PHF14: variants seen among roughly 807,000 people sequenced by gnomAD.
PHF14 encodes PHD finger protein 14.
In PHF14, 55 loss-of-function variants were observed where a neutral mutation model predicts 117.9. The observed-to-expected ratio is 0.47, with a 90% CI of 0.38 to 0.58. The LOEUF (loss-of-function observed/expected upper bound fraction) is 0.58. Among genes scored for constraint, PHF14 ranks in the 20% least tolerant of loss-of-function variants. The pLI, the probability that PHF14 is intolerant of heterozygous loss-of-function variation, is 0.00. For missense variants in PHF14, 978 were observed against 1,122.2 expected, an observed-to-expected ratio of 0.87 and a Z score of 1.84; for synonymous variants, 409 against 368.6, an observed-to-expected ratio of 1.11 and a Z score of -1.26.
chr7:11,163,084 G>A (rs1026793701), intron 17 of PHF14, among the ~76,000 whole-genome samples: 4 of 152,084 alleles, frequency 2.6e-5, no homozygotes, highest in Non-Finnish European at 5.9e-5. Context: ...AAATGTTGCA[G>A]TATTAAATAA....
intron 14 of PHF14, among the ~76,000 whole-genome samples, chr7:11,052,816 C>T (rs1055919702): frequency 2.0e-5 from 3 of 152,024 alleles, no homozygotes; most frequent in Non-Finnish European, 4.4e-5. Flanking sequence ...TTACCTTTTT[C>T]TCATTGCAAA....
At chr7:11,011,305 T>A (rs1321604924) in intron 4 of PHF14, among the ~76,000 whole-genome samples, 1 of 152,236 alleles carries the variant, frequency 6.6e-6, no homozygotes, top group East Asian at 1.9e-4. Context: ...TGAATTTCTT[T>A]GATGGTTGTG....
chr7:11,030,093 C>T (rs1179637663), intron 7 of PHF14, among the ~76,000 whole-genome samples: 1 of 150,500 alleles, frequency 6.6e-6, no homozygotes, highest in African/African-American at 2.5e-5. Context: ...GTTCCAGTCT[C>T]TTGATTTTAA....
At chr7:11,047,393 C>A (rs1784705538) in intron 13 of PHF14, among the ~76,000 whole-genome samples, 1 of 151,934 alleles carries the variant, frequency 6.6e-6, no homozygotes, top group South Asian at 2.1e-4. Context: ...CTTGTCTAAG[C>A]ACTATTAAAC....
chr7:11,044,049 T>C (rs1784584093), intron 13 of PHF14, among the ~76,000 whole-genome samples: 1 of 152,036 alleles, frequency 6.6e-6, no homozygotes, highest in African/African-American at 2.4e-5. Flanking sequence ...AGGAGGCAGC[T>C]GGAGGCCATT....
chr7:10,977,969 G>T (rs1173229336), intron 2 of PHF14, among the ~76,000 whole-genome samples: 1 of 152,194 alleles, frequency 6.6e-6, no homozygotes, highest in Non-Finnish European at 1.5e-5. Context: ...TCTTTTTAAA[G>T]ATGCAGACAT....
intron 7 of PHF14, among the ~76,000 whole-genome samples, chr7:11,029,088 G>A (rs1362220602): frequency 6.6e-6 from 1 of 151,732 alleles, no homozygotes; most frequent in African/African-American, 2.4e-5. Flanking sequence ...TTAAAATGTC[G>A]GCATTTCAGC....
intron 7 of PHF14, among the ~76,000 whole-genome samples, chr7:11,030,652 G>C (rs1339015514): frequency 6.6e-6 from 1 of 152,100 alleles, no homozygotes; most frequent in Admixed American, 6.5e-5. Flanking sequence ...GAAATTTACA[G>C]GGAAACAGAT....
intron 4 of PHF14, chr7:11,006,873 G>A: frequency 1.7e-6 from 1 of 594,964 alleles, no homozygotes; most frequent in East Asian, 3.5e-5. Flanking sequence ...ACTGTCTTGT[G>A]AAAAGCATAG....
intron 17 of PHF14, among the ~76,000 whole-genome samples, chr7:11,162,207 G>C (rs375327516): frequency 7.0e-6 from 1 of 141,898 alleles, no homozygotes; most frequent in African/African-American, 2.5e-5. Context: ...TTGTGCCTCA[G>C]CCTCCCAAGT....
intron 4 of PHF14, among the ~76,000 whole-genome samples, chr7:11,001,121 A>C (rs947899320): frequency 3.9e-5 from 6 of 152,058 alleles, no homozygotes; most frequent in African/African-American, 1.4e-4. Flanking sequence ...GTGTGTGTTC[A>C]ATTTTTCTAT....
At chr7:11,087,593 T>C (rs555093070) in intron 16 of PHF14, among the ~76,000 whole-genome samples, 2 of 152,204 alleles carry the variant, frequency 1.3e-5, no homozygotes, top group Non-Finnish European at 2.9e-5. Context: ...GATTGACTTC[T>C]AAGGAATCTT....
intron 16 of PHF14, chr7:11,108,316 A>C (rs1361816831): frequency 1.3e-5 from 2 of 151,692 alleles, no homozygotes; most frequent in Non-Finnish European, 3.0e-5. Flanking sequence ...TTTATCACCA[A>C]AACTATTGAC....
intron 17 of PHF14, among the ~76,000 whole-genome samples, chr7:11,151,033 A>G (rs1788687744): frequency 6.6e-6 from 1 of 152,222 alleles, no homozygotes; most frequent in Non-Finnish European, 1.5e-5. Context: ...AGATATATCA[A>G]TGATTTTAAA....
At chr7:11,091,252 G>T (rs908406080) in intron 16 of PHF14, among the ~76,000 whole-genome samples, 3 of 152,204 alleles carry the variant, frequency 2.0e-5, no homozygotes, top group African/African-American at 7.2e-5. Context: ...AATGAAAAAT[G>T]GAAAGGCAAG....
At chr7:11,049,358 C>T (rs1784777374) in intron 13 of PHF14, among the ~76,000 whole-genome samples, 2 of 151,700 alleles carry the variant, frequency 1.3e-5, no homozygotes, top group Non-Finnish European at 2.9e-5. Context: ...ACCTGTAGTC[C>T]CAGCTACTTA....
intron 4 of PHF14, chr7:11,006,285 A>G (rs1783089440): frequency 2.6e-6 from 1 of 387,872 alleles, no homozygotes; most frequent in Non-Finnish European, 5.0e-6. Context: ...TCTTGTGGCC[A>G]TTTGCCACAT....
In PHF14 at chr7:11,051,661, A is replaced by G. The variant is rs759174349; in HGVS notation, c.2362A>G (p.Met788Val). 1.9e-6 allele frequency: 3 copies of G among 1,613,644 alleles called. No homozygotes were observed. The highest frequency in any genetic ancestry group is 1.7e-5 in the Admixed American group (1 of 59,984). Residue 788 changes from methionine to valine, a missense_variant, in exon 14 of 18, where the codon ATG becomes GTG. This residue lies in a region of PHF14 where 180 missense variants were observed against 195.4 expected (regional missense o/e 0.92). Coordinates refer to ENST00000634607, the MANE Select transcript of PHF14 (RefSeq NM_001007157.2). Reference protein sequence around the residue: ...QAGSSDMEADMAMETLPDGTK... With the variant: ...QAGSSDMEADVAMETLPDGTK... ...AGGGAGCAGTGACATGGAAGCAGAT[A>G]TGGCCATGGAAACCCTACCAGATGG...
chr7:11,134,317 G>T (rs1466853162), intron 17 of PHF14, among the ~76,000 whole-genome samples: 1 of 151,836 alleles, frequency 6.6e-6, no homozygotes, highest in African/African-American at 2.4e-5. Flanking sequence ...TAGAATTATA[G>T]AATTTAATAG....
Sources: gnomAD v4.1 joint callset for allele counts (sites outside exome capture counted in the v4.1 genomes callset) on GRCh38, gnomAD v4.1.1 for gene constraint, gnomAD v4.1.1 regional missense constraint, MANE v1.5 for transcripts, NCBI Gene and HGNC (gene_info 2026-07-23, HGNC 2026-07-21) for gene names.